The following ACSL5 variants were observed in gnomAD, a reference collection of about 807,000 sequenced individuals.
ACSL5 encodes the protein acyl-CoA synthetase long chain family member 5.
In ACSL5, 50 loss-of-function variants were observed where a neutral mutation model predicts 84.9. That is an observed-to-expected ratio of 0.59 (90% CI 0.47 to 0.75). ACSL5 has a LOEUF of 0.75. ACSL5 is among the 30% of genes least tolerant of loss of function. The probability of loss-of-function intolerance (pLI) is 0.00; values close to 1 mark genes in which losing one functional copy is unlikely to be tolerated. For synonymous variants in ACSL5, 280 were observed against 300.7 expected (o/e 0.93, Z 0.71); for missense variants, 775 against 830.4 (o/e 0.93, Z 0.82).
rs540300555 is a variant in ACSL5, at chr10:112,377,650, T to C, written c.-30+3381T>C. ...CCTTCATATTCTGATATGGAGTCAC[T>C]CTGTGGTAGTCCCCTCCGATTGATC... On this transcript the variant is annotated intron_variant, in intron 1 of 20. Coordinates refer to ENST00000354655, the MANE Select transcript of ACSL5 (RefSeq NM_203379.2). Among the ~76,000 whole-genome samples the C allele has an allele frequency of 1.1e-3, 161 of 152,334 alleles. 1 individual carries two copies. Among genetic ancestry groups the C allele is most frequent in the African/African-American group, 3.8e-3 (158 of 41,582 alleles).
At chr10:112,418,083 A>C (rs1197932869) in intron 14 of ACSL5, 142 bp downstream of exon 14, 7 of 668,518 alleles carry the variant, frequency 1.0e-5, no homozygotes, top group African/African-American at 1.8e-5. Flanking sequence ...ATATCCTTCT[A>C]ACCATCTCTT....
At chr10:112,406,643 G>A (rs1016531299) in intron 5 of ACSL5, 2 of 152,120 alleles carry the variant, frequency 1.3e-5, no homozygotes, top group East Asian at 1.9e-4. Context: ...GTATTAGTTC[G>A]TTATCACACT....
At chr10:112,399,986 GT>G (rs1843840928) in intron 3 of ACSL5, among the ~76,000 whole-genome samples, 1 of 152,136 alleles carries the variant, frequency 6.6e-6, no homozygotes, top group South Asian at 2.1e-4. Flanking sequence ...GCTCGTAAGT[GT>G]TTTATAAAAG....
At chr10:112,421,503 G>T in intron 14 of ACSL5, 90 bp from the exon 15 acceptor site, 2 of 1,177,394 alleles carry the variant, frequency 1.7e-6, no homozygotes, top group Non-Finnish European at 2.5e-6. Flanking sequence ...AACCCTTAGA[G>T]ACCTTGCTTT....
At chr10:112,405,072 A>G (rs1199320176) in intron 5 of ACSL5, among the ~76,000 whole-genome samples, 1 of 152,218 alleles carries the variant, frequency 6.6e-6, no homozygotes, top group African/African-American at 2.4e-5. Flanking sequence ...TGATTGTTAC[A>G]TGAGGAAAAT....
chr10:112,421,469 G>A, intron 14 of ACSL5, 124 bp from the exon 15 acceptor site: 4 of 819,046 alleles, frequency 4.9e-6, no homozygotes, highest in East Asian at 2.6e-5. Context: ...CAAGTTCAAG[G>A]TTTTAAGACA....
At chr10:112,418,435 A>G (rs1377289953) in intron 14 of ACSL5, among the ~76,000 whole-genome samples, 1 of 152,092 alleles carries the variant, frequency 6.6e-6, no homozygotes, top group Admixed American at 6.6e-5. Context: ...CAAAAAAATT[A>G]GCTGGGCGTG....
intron 2 of ACSL5, chr10:112,396,054 A>G (rs897659918): frequency 6.6e-6 from 1 of 152,124 alleles, no homozygotes; most frequent in Non-Finnish European, 1.5e-5. Context: ...ACTTCAACCC[A>G]CTGAGATCTG....
In ACSL5 at chr10:112,409,686, G is replaced by A. The variant is rs763601377; in HGVS notation, c.711+1G>A. On this transcript the variant is annotated splice_donor_variant, in intron 7 of 20. Coordinates refer to ENST00000354655, the MANE Select transcript of ACSL5 (RefSeq NM_203379.2). LOFTEE classifies it high-confidence loss of function. Reference sequence around the variant, plus strand: ...GATCTTATCCCTATATGATGCTGAGGTATGGATCTGAAATTTAGCTTGCAG... The same window carrying A: ...GATCTTATCCCTATATGATGCTGAGATATGGATCTGAAATTTAGCTTGCAG... The A allele has an allele frequency of 3.7e-6, 6 of 1,613,234 alleles. No individual in the cohort carries two copies. Among genetic ancestry groups the A allele is most frequent in the South Asian group, 1.1e-5 (1 of 91,008 alleles).
chr10:112,385,705 A>G (rs957005910), intron 1 of ACSL5, among the ~76,000 whole-genome samples: 2 of 152,224 alleles, frequency 1.3e-5, no homozygotes, highest in African/African-American at 4.8e-5. Flanking sequence ...TTCTTATTAA[A>G]GAAATTAACT....
Position 112,413,195 on chromosome 10 carries a change from C to A in ACSL5, c.971C>A (p.Ala324Asp). The change falls in exon 12 of 21, where the codon GCC (alanine) becomes GAC (aspartate). Residue 324 changes from alanine (A) to aspartate (D), a missense_variant. By Grantham distance (126) the Ala-to-Asp change is moderately radical. Transcript: ENST00000354655. ...IVQAVVYSCG[A>D]RVGFFQGDIR... is the part of the protein sequence containing the mutation. ...CAGGCTGTTGTGTACAGCTGTGGAG[C>A]CAGAGTTGGATTCTTCCAAGGGGAT... 1 of 1,614,098 alleles carries A rather than the reference C, an allele frequency of 6.2e-7. No individual in the cohort carries two copies. Among genetic ancestry groups the A allele is most frequent in the Non-Finnish European group, 8.5e-7 (1 of 1,179,980 alleles).
Position 112,395,108 on chromosome 10 carries a change from T to C in ACSL5, c.156+6T>C. ...ATCAGTCTGTGGGAATTGAGGTAATTTACCAGTCATCCTTTTAGTTTGTCA... is the reference window on the plus strand; with the variant it reads ...ATCAGTCTGTGGGAATTGAGGTAATCTACCAGTCATCCTTTTAGTTTGTCA... On this transcript the variant is annotated splice_donor_region_variant and intron_variant, in intron 2 of 20. Coordinates refer to ENST00000354655, the MANE Select transcript of ACSL5 (RefSeq NM_203379.2). 7 of 1,610,146 alleles carry C rather than the reference T, an allele frequency of 4.3e-6. No individual in the cohort carries two copies. Among genetic ancestry groups the C allele is most frequent in the Non-Finnish European group, 5.9e-6 (7 of 1,177,020 alleles).
At chr10:112,400,235 G>A (rs545432721) in intron 3 of ACSL5, among the ~76,000 whole-genome samples, 2 of 151,592 alleles carry the variant, frequency 1.3e-5, no homozygotes, top group Admixed American at 6.6e-5. Context: ...TTTCAGAGAC[G>A]GGATCTTGCT....
chr10:112,422,556 G>A, intron 17 of ACSL5, 115 bp downstream of exon 17: 1 of 970,860 alleles, frequency 1.0e-6, no homozygotes, highest in Non-Finnish European at 1.6e-6. Flanking sequence ...GCAGCTGGAG[G>A]GGATTAGGTT....
chr10:112,413,263 T>C lies in ACSL5; in HGVS notation c.1039T>C (p.Leu347=), dbSNP rs778601649. 1 of 1,614,228 alleles carries C rather than the reference T, an allele frequency of 6.2e-7. No individual in the cohort carries two copies. The highest frequency in any genetic ancestry group is 8.5e-7 in the Non-Finnish European group (1 of 1,180,024). Reference sequence around the variant, plus strand: ...CGACATGAAGACTTTGAAGCCCACATTGTTTCCCGCGGTGCCTCGACTCCT... The same window carrying C: ...CGACATGAAGACTTTGAAGCCCACACTGTTTCCCGCGGTGCCTCGACTCCT... The part of the protein sequence containing the change: ...ADDMKTLKPT[L]FPAVPRLLNR... The change falls in exon 12 of 21, where the codon TTG becomes CTG. Residue 347 remains leucine, a synonymous_variant. Coordinates refer to ENST00000354655, the MANE Select transcript of ACSL5 (RefSeq NM_203379.2).
At chr10:112,413,353 C>A (rs369397043) in intron 12 of ACSL5, 46 bp downstream of exon 12, 2 of 1,606,056 alleles carry the variant, frequency 1.2e-6, no homozygotes, top group Non-Finnish European at 8.5e-7. Context: ...TGGGCCTGCA[C>A]GAAGGAACTC....
chr10:112,401,146 G>A (rs1310782428), intron 3 of ACSL5, among the ~76,000 whole-genome samples: 1 of 152,114 alleles, frequency 6.6e-6, no homozygotes, highest in Non-Finnish European at 1.5e-5. Flanking sequence ...AACCTGGGAA[G>A]TGGAGGTTGC....
intron 1 of ACSL5, among the ~76,000 whole-genome samples, chr10:112,393,246 C>G (rs1308754196): frequency 1.3e-5 from 2 of 152,106 alleles, no homozygotes; most frequent in Non-Finnish European, 1.5e-5. Flanking sequence ...CCCATGGGAC[C>G]TGGCTTTTAT....
intron 1 of ACSL5, among the ~76,000 whole-genome samples, chr10:112,383,847 C>T (rs1849398153): frequency 6.6e-6 from 1 of 151,288 alleles, no homozygotes; most frequent in Non-Finnish European, 1.5e-5. Context: ...TCAGATTAAA[C>T]AGTACACATC....
Sources: allele counts gnomAD v4.1 joint callset (sites outside exome capture counted in the v4.1 genomes callset), GRCh38; gene constraint gnomAD v4.1.1; transcripts MANE v1.5; gene names NCBI Gene and HGNC (gene_info 2026-07-23, HGNC 2026-07-21).